The following RRP15 variants were observed in gnomAD, a reference collection of about 807,000 sequenced individuals.
RRP15 encodes ribosomal RNA processing 15 homolog.
RRP15 carries 18 observed loss-of-function variants against 27.1 expected under a neutral mutation model. The ratio of observed to expected loss-of-function variants is 0.66; its 90% CI spans 0.46 to 0.98. RRP15 has a LOEUF of 0.98. Among genes scored for constraint, RRP15 ranks in the 50% least tolerant of loss-of-function variants. RRP15 has a pLI of 0.00. For synonymous variants in RRP15, 107 were observed against 109.4 expected (o/e 0.98, Z 0.14); for missense variants, 359 against 337.8 (o/e 1.06, Z -0.49).
chr1:218,324,401 C>T (rs965220087), intron 4 of RRP15, among the ~76,000 whole-genome samples: 1 of 152,184 alleles, frequency 6.6e-6, no homozygotes, highest in African/African-American at 2.4e-5. Context: ...AGGCTCCGGG[C>T]CTGGGAGTGG....
intron 1 of RRP15, among the ~76,000 whole-genome samples, chr1:218,291,616 C>G (rs904283599): frequency 6.8e-6 from 1 of 146,886 alleles, no homozygotes; most frequent in South Asian, 2.2e-4. Flanking sequence ...ACCACAACCT[C>G]CGCCTCCCAG....
intron 1 of RRP15, among the ~76,000 whole-genome samples, chr1:218,291,417 C>G (rs1655637761): frequency 6.6e-6 from 1 of 151,374 alleles, no homozygotes; most frequent in South Asian, 2.1e-4. Context: ...TGCACTCCAG[C>G]CTGGCTGACA....
chr1:218,306,633 T>G (rs1446172633), intron 3 of RRP15, among the ~76,000 whole-genome samples: 2 of 152,220 alleles, frequency 1.3e-5, no homozygotes, highest in African/African-American at 4.8e-5. Context: ...GGAAGGGATC[T>G]TAACAGTCTA....
At chr1:218,324,017 C>G (rs879924253) in intron 4 of RRP15, among the ~76,000 whole-genome samples, 7 of 152,182 alleles carry the variant, frequency 4.6e-5, no homozygotes, top group Admixed American at 4.6e-4. Flanking sequence ...GCTATTCCTG[C>G]GAGGGCGGGG....
At chr1:218,287,148 T>G (rs1354193237) in intron 1 of RRP15, among the ~76,000 whole-genome samples, 1 of 149,514 alleles carries the variant, frequency 6.7e-6, no homozygotes, top group Non-Finnish European at 1.5e-5. Context: ...TTTTCTTTTT[T>G]TTTTTTTTTT....
At chr1:218,297,833 C>T (rs1655744797) in intron 1 of RRP15, among the ~76,000 whole-genome samples, 1 of 152,160 alleles carries the variant, frequency 6.6e-6, no homozygotes, top group Non-Finnish European at 1.5e-5. Context: ...ATTGGAAGCA[C>T]ACACCTGGAG....
intron 1 of RRP15, among the ~76,000 whole-genome samples, chr1:218,293,418 T>C (rs1042153097): frequency 2.6e-5 from 4 of 152,218 alleles, no homozygotes; most frequent in Non-Finnish European, 5.9e-5. Context: ...AACTTTTATA[T>C]GATAGTACTG....
intron 4 of RRP15, among the ~76,000 whole-genome samples, chr1:218,325,065 T>C (rs1374355131): frequency 6.6e-6 from 1 of 152,214 alleles, no homozygotes; most frequent in Non-Finnish European, 1.5e-5. Flanking sequence ...GAATTCCCTA[T>C]GTCTGGGTTC....
chr1:218,312,370 A>G (rs1047174854), intron 4 of RRP15, among the ~76,000 whole-genome samples: 3 of 148,714 alleles, frequency 2.0e-5, no homozygotes, highest in African/African-American at 7.5e-5. Flanking sequence ...GACCTTCTCT[A>G]TCCCCGTTCT....
intron 4 of RRP15, among the ~76,000 whole-genome samples, chr1:218,327,521 C>G (rs1656293703): frequency 6.6e-6 from 1 of 152,124 alleles, no homozygotes; most frequent in Non-Finnish European, 1.5e-5. Context: ...CCAGGCTGGT[C>G]TGAAACTCCT....
chr1:218,298,215 G>A (rs925637466), intron 1 of RRP15, among the ~76,000 whole-genome samples: 2 of 151,978 alleles, frequency 1.3e-5, no homozygotes, highest in African/African-American at 4.8e-5. Context: ...TTACTTCCTT[G>A]GCTTCCTCCT....
At chr1:218,305,170 T>C in intron 3 of RRP15, 45 bp downstream of exon 3, 1 of 1,413,084 alleles carries the variant, frequency 7.1e-7, no homozygotes, top group Non-Finnish European at 1.0e-6. Flanking sequence ...ATACTAAAGC[T>C]ATCATAGTGG....
At position 218,335,135 on chromosome 1, in the gene RRP15, C is replaced by A. The variant is rs566857395; in HGVS notation, c.*4044C>A. 9.2e-5 allele frequency: 14 copies of A among 152,246 alleles called. No individual in the cohort carries two copies. The highest frequency in any genetic ancestry group is 1.3e-4 in the Non-Finnish European group (9 of 68,026). The allele number at this position is 152,246 out of a possible 1,614,324, so 9.4% of individuals were successfully genotyped here. On this transcript the variant is annotated 3_prime_UTR_variant, in exon 5 of 5. Transcript: ENST00000366932. The stretch of plus-strand genomic sequence containing the variant: ...AACAGTTCTTAAATAATTTTAGATT[C>A]TCTAAATTTAGAGTGTTTTCTAGCT...
intron 1 of RRP15, among the ~76,000 whole-genome samples, chr1:218,290,426 T>G (rs183243844): frequency 2.4e-4 from 37 of 152,258 alleles, no homozygotes; most frequent in African/African-American, 8.4e-4. Context: ...TAACCTTGTC[T>G]TATGTGGATT....
intron 4 of RRP15, among the ~76,000 whole-genome samples, chr1:218,318,291 A>T (rs17047625): frequency 6.6e-6 from 1 of 152,110 alleles, no homozygotes; most frequent in African/African-American, 2.4e-5. Flanking sequence ...TACAATTAAA[A>T]TTTTTTTATA....
chr1:218,291,255 T>C (rs1655633038), intron 1 of RRP15, among the ~76,000 whole-genome samples: 1 of 151,720 alleles, frequency 6.6e-6, no homozygotes, highest in African/African-American at 2.4e-5. Flanking sequence ...CTGGCTAACA[T>C]GGCAAAACCC....
intron 1 of RRP15, among the ~76,000 whole-genome samples, chr1:218,287,581 A>C (rs1437641735): frequency 6.6e-6 from 1 of 152,198 alleles, no homozygotes; most frequent in Non-Finnish European, 1.5e-5. Flanking sequence ...ACAGGACTGT[A>C]ATATAGTGTA....
intron 3 of RRP15, among the ~76,000 whole-genome samples, chr1:218,306,082 G>A (rs1655894597): frequency 6.6e-6 from 1 of 152,066 alleles, no homozygotes; most frequent in African/African-American, 2.4e-5. Context: ...TAAAATTTAT[G>A]TCCTAGGCGC....
At chr1:218,330,558 A>C (rs1283537388) in intron 4 of RRP15, among the ~76,000 whole-genome samples, 2 of 152,164 alleles carry the variant, frequency 1.3e-5, no homozygotes, top group African/African-American at 4.8e-5. Context: ...GCGGTGAAAT[A>C]ATTTGCCCAA....
Sources: allele counts gnomAD v4.1 joint callset (sites outside exome capture counted in the v4.1 genomes callset), GRCh38; gene constraint gnomAD v4.1.1; transcripts MANE v1.5; gene names NCBI Gene and HGNC (gene_info 2026-07-23, HGNC 2026-07-21).